Variants in SV2C observed in about 807,000 individuals in gnomAD.
SV2C encodes the protein synaptic vesicle glycoprotein 2C.
In SV2C, 49 loss-of-function variants were observed where a neutral mutation model predicts 79.7. The ratio of observed to expected loss-of-function variants is 0.61; its 90% confidence interval spans 0.49 to 0.78. The LOEUF (loss-of-function observed/expected upper bound fraction) is 0.78, where lower values mean the gene tolerates loss of function less well. Among genes scored for constraint, SV2C ranks in the 30% least tolerant of loss-of-function variants. The pLI is 0.00. For missense variants in SV2C, 833 were observed against 912.9 expected, an observed-to-expected ratio of 0.91 and a Z score of 1.13; for synonymous variants, 334 against 333.2, an observed-to-expected ratio of 1.00 and a Z score of -0.03.
At chr5:75,961,580 A>G in the SV2C span, among the ~76,000 whole-genome samples, 2 of 151,852 alleles carry the variant, frequency 1.3e-5, no homozygotes, top group Non-Finnish European at 2.9e-5. Context: ...CATAAATATC[A>G]GAATTTTAAA....
At chr5:76,285,522 C>T (rs1426284517) in intron 5 of SV2C, 3 of 653,098 alleles carry the variant, frequency 4.6e-6, no homozygotes, top group Non-Finnish European at 7.6e-6. Flanking sequence ...AATAACTTGG[C>T]TCAATGAAGA....
chr5:76,336,554 G>T (rs567512891), downstream of SV2C, among the ~76,000 whole-genome samples: 3 of 152,268 alleles, frequency 2.0e-5, no homozygotes, highest in East Asian at 5.8e-4. Flanking sequence ...CTGGGAGGTG[G>T]AGGCCGCAGT....
At chr5:76,336,345 A>T (rs2112581789), downstream of SV2C, among the ~76,000 whole-genome samples, 1 of 149,178 alleles carries the variant, frequency 6.7e-6, no homozygotes, top group South Asian at 2.1e-4. Flanking sequence ...GGCGGCTGGG[A>T]AGAGGCGCTC....
At chr5:76,013,669 G>A in the SV2C span, among the ~76,000 whole-genome samples, 1 of 152,124 alleles carries the variant, frequency 6.6e-6, no homozygotes, top group South Asian at 2.1e-4. Flanking sequence ...GAAAAGGAGA[G>A]ATAAAAAGAA....
At chr5:75,901,967 C>T in the SV2C span, among the ~76,000 whole-genome samples, 1 of 152,136 alleles carries the variant, frequency 6.6e-6, no homozygotes, top group Non-Finnish European at 1.5e-5. Flanking sequence ...GTGGGAGTGA[C>T]CCGATTTTCC....
chr5:76,158,847 A>G (rs1742816079), intron 2 of SV2C, among the ~76,000 whole-genome samples: 1 of 152,092 alleles, frequency 6.6e-6, no homozygotes, highest in African/African-American at 2.4e-5. Context: ...ATCACAAGGA[A>G]GGAAAACTAC....
intron 12 of SV2C, among the ~76,000 whole-genome samples, chr5:76,309,323 G>A (rs1044420396): frequency 5.3e-5 from 8 of 152,040 alleles, no homozygotes; most frequent in African/African-American, 1.9e-4. Context: ...GTTGGAGGCC[G>A]GGCACGGTGG....
At chr5:75,856,460 T>C in the SV2C span, among the ~76,000 whole-genome samples, 1 of 152,240 alleles carries the variant, frequency 6.6e-6, no homozygotes, top group East Asian at 1.9e-4. Flanking sequence ...TGTTATATAA[T>C]GCTGTCTTTT....
At chr5:76,000,327 AT>A in the SV2C span, among the ~76,000 whole-genome samples, 1 of 152,130 alleles carries the variant, frequency 6.6e-6, no homozygotes, top group Non-Finnish European at 1.5e-5. Flanking sequence ...AGCCTGTGCC[AT>A]CTGCAAGTTC....
chr5:76,183,483 C>G (rs1580337415), intron 2 of SV2C, among the ~76,000 whole-genome samples: 1 of 152,224 alleles, frequency 6.6e-6, no homozygotes, highest in East Asian at 1.9e-4. Context: ...TTGGGCATGA[C>G]AAATATCCAA....
the SV2C span, among the ~76,000 whole-genome samples, chr5:76,069,730 C>A: frequency 1.3e-5 from 2 of 152,200 alleles, no homozygotes; most frequent in African/African-American, 2.4e-5. Context: ...TTCTTCATTT[C>A]TTTTGGGGAT....
intron 1 of SV2C, among the ~76,000 whole-genome samples, chr5:76,085,384 T>C (rs1365006709): frequency 3.2e-4 from 48 of 152,218 alleles, no homozygotes; most frequent in Admixed American, 3.1e-3. Context: ...ACGCATTCTC[T>C]GGTGGAAAAT....
chr5:76,173,596 G>T, intron 2 of SV2C: 1 of 1,591,462 alleles, frequency 6.3e-7, no homozygotes, highest in East Asian at 2.2e-5. Flanking sequence ...CAGTTCTTCA[G>T]ACCTGGCTCA....
At chr5:76,195,618 G>C (rs977268490) in intron 3 of SV2C, among the ~76,000 whole-genome samples, 5 of 152,076 alleles carry the variant, frequency 3.3e-5, no homozygotes, top group African/African-American at 7.2e-5. Flanking sequence ...CAGAAGTTGT[G>C]CTATTACCCA....
At chr5:76,073,974 A>T in the SV2C span, among the ~76,000 whole-genome samples, 1 of 152,200 alleles carries the variant, frequency 6.6e-6, no homozygotes, top group Non-Finnish European at 1.5e-5. Context: ...TTAGCCCAGA[A>T]TATCCATGTC....
chr5:75,906,850 T>A, the SV2C span, among the ~76,000 whole-genome samples: 1 of 152,256 alleles, frequency 6.6e-6, no homozygotes, highest in South Asian at 2.1e-4. Context: ...TTTGTCAATG[T>A]CTAGAAATAT....
the SV2C span, among the ~76,000 whole-genome samples, chr5:75,959,398 C>T: frequency 4.6e-5 from 7 of 152,050 alleles, no homozygotes; most frequent in South Asian, 1.4e-3. Flanking sequence ...TTTAACATCT[C>T]ATGTGGGTGT....
the SV2C span, among the ~76,000 whole-genome samples, chr5:75,853,442 G>T: frequency 1.3e-5 from 2 of 151,010 alleles, no homozygotes; most frequent in Non-Finnish European, 2.9e-5. Flanking sequence ...TGTAGTCCCA[G>T]CTACTCCGGA....
chr5:76,269,737 A>G (rs1025155217), intron 4 of SV2C, among the ~76,000 whole-genome samples: 2 of 152,218 alleles, frequency 1.3e-5, no homozygotes, highest in African/African-American at 4.8e-5. Context: ...AGGGAGCATC[A>G]ATCTGCCTAT....
Sources: allele counts gnomAD v4.1 joint callset (sites outside exome capture counted in the v4.1 genomes callset), GRCh38; gene constraint gnomAD v4.1.1; transcripts MANE v1.5; gene names NCBI Gene and HGNC (gene_info 2026-07-23, HGNC 2026-07-21).